Variants in AK9 observed in about 807,000 individuals in gnomAD.
AK9 encodes adenylate kinase domain containing 1.
Under a neutral mutation model 239.6 loss-of-function variants are expected in AK9, and 191 were observed. The observed-to-expected ratio is 0.80, with a 90% CI of 0.71 to 0.90. The LOEUF (loss-of-function observed/expected upper bound fraction) is 0.90, where lower values mean the gene tolerates loss of function less well. Among genes scored for constraint, AK9 ranks in the 40% least tolerant of loss-of-function variants. AK9 has a pLI of 0.00. For synonymous variants in AK9, 689 were observed against 721.0 expected, an observed-to-expected ratio of 0.96 and a Z score of 0.71; for missense variants, 1,995 against 2,214.7, an observed-to-expected ratio of 0.90 and a Z score of 1.99.
chr6:109,559,815 G>A (rs1202042730), intron 24 of AK9, among the ~76,000 whole-genome samples: 2 of 152,142 alleles, frequency 1.3e-5, no homozygotes, highest in Non-Finnish European at 2.9e-5. Flanking sequence ...CAACAAACAT[G>A]TATTTTCTTA....
intron 8 of AK9, among the ~76,000 whole-genome samples, chr6:109,652,729 A>C (rs1235041443): frequency 1.3e-5 from 2 of 152,222 alleles, no homozygotes; most frequent in African/African-American, 4.8e-5. Flanking sequence ...CCAGTGAAGG[A>C]ATGCAAAAAA....
chr6:109,689,223 G>A (rs1255778875), intron 1 of AK9, among the ~76,000 whole-genome samples: 17 of 152,062 alleles, frequency 1.1e-4, no homozygotes, highest in Admixed American at 1.1e-3. Flanking sequence ...TTTAAAAATT[G>A]AGACTAGCCA....
chr6:109,499,107 G>A lies in AK9; in HGVS notation c.4983C>T (p.Ser1661=). ...QELFDCSATD[S]LEFAAEFRGH... ...CCCTGAACTCTGCTGCAAATTCCAAGGAGTCAGTTGCAGAGCAATCAAATA... is the reference window on the plus strand; with the variant it reads ...CCCTGAACTCTGCTGCAAATTCCAAAGAGTCAGTTGCAGAGCAATCAAATA... The change falls in exon 36 of 41, where the codon TCC becomes TCT. Residue 1661 remains serine, a synonymous_variant. Transcript: ENST00000424296. 1 of 1,606,718 alleles carries A rather than the reference G, an allele frequency of 6.2e-7. No individual in the cohort carries two copies. The highest frequency in any genetic ancestry group is 1.1e-5 in the South Asian group (1 of 89,696).
intron 1 of AK9, among the ~76,000 whole-genome samples, chr6:109,687,806 T>C (rs1773732080): frequency 6.6e-6 from 1 of 152,224 alleles, no homozygotes; most frequent in Admixed American, 6.5e-5. Context: ...TGTGTTGTTT[T>C]AAGCTGCTAA....
At chr6:109,600,986 G>T (rs191229340) in intron 17 of AK9, among the ~76,000 whole-genome samples, 1 of 151,972 alleles carries the variant, frequency 6.6e-6, no homozygotes, top group African/African-American at 2.4e-5. Flanking sequence ...TATTAGTCTT[G>T]CTAGCAGTCT....
intron 32 of AK9, among the ~76,000 whole-genome samples, chr6:109,510,699 C>G (rs1660924280): frequency 6.6e-6 from 1 of 152,224 alleles, no homozygotes; most frequent in Admixed American, 6.5e-5. Flanking sequence ...GTCTTGTTCA[C>G]TCTTCACTTG....
At chr6:109,497,362 A>ACACTCTCTCT (rs1554230922) in intron 38 of AK9, 103 bp downstream of exon 38, 39 of 500,454 alleles carry the variant, frequency 7.8e-5, no homozygotes, top group African/African-American at 5.7e-4. Flanking sequence ...ACACACACAC[A>ACACTCTCTCT]CTCTCTCTCT....
Position 109,494,088 on chromosome 6 carries a change from G to GC in AK9, c.5425dup (p.Ala1809GlyfsTer6). 1 of 1,611,326 alleles carries GC rather than the reference G, an allele frequency of 6.2e-7. No homozygotes were observed. Among genetic ancestry groups the GC allele is most frequent in the African/African-American group, 1.3e-5 (1 of 74,994 alleles). ...ATTCATTGCTTTAATTAGAGAAGTT[G>GC]CAATACCCTGCAGGGAGGGAACAAT... On this transcript the variant is annotated frameshift_variant, in exon 40 of 41. Transcript: ENST00000424296. LOFTEE classifies it high-confidence loss of function.
At chr6:109,584,605 T>C (rs1222889367) in intron 19 of AK9, among the ~76,000 whole-genome samples, 1 of 152,150 alleles carries the variant, frequency 6.6e-6, no homozygotes, top group Non-Finnish European at 1.5e-5. Flanking sequence ...GATAACTGTG[T>C]GGTCACATTT....
At chr6:109,627,430 C>T (rs1293150914) in intron 12 of AK9, among the ~76,000 whole-genome samples, 1 of 152,078 alleles carries the variant, frequency 6.6e-6, no homozygotes, top group Non-Finnish European at 1.5e-5. Flanking sequence ...TTATTGTCAT[C>T]AAGTATGACA....
intron 27 of AK9, among the ~76,000 whole-genome samples, chr6:109,536,602 T>C (rs1273700539): frequency 1.3e-5 from 2 of 152,184 alleles, no homozygotes. Flanking sequence ...TATTTCTTTC[T>C]CCTGCCTGAT....
At chr6:109,508,974 T>C (rs1277937521) in intron 33 of AK9, among the ~76,000 whole-genome samples, 1 of 152,204 alleles carries the variant, frequency 6.6e-6, no homozygotes, top group African/African-American at 2.4e-5. Context: ...GCCTGCCTGC[T>C]AATCTGGCAT....
chr6:109,554,943 T>C lies in AK9; in HGVS notation c.2752-4641A>G, dbSNP rs1386169581. 2.0e-5 allele frequency among the ~76,000 whole-genome samples: 3 copies of C among 152,324 alleles called. No individual in the cohort carries two copies. In the East Asian group the frequency reaches 5.8e-4, roughly 29 times the overall value. On this transcript the variant is annotated intron_variant, in intron 24 of 40. Transcript: ENST00000424296. Reference sequence around the variant, plus strand: ...CTAGCTAATGGTCTATCTGTTTTGTTAATTTTTTAAAAAACTAACTCCTGG... The same window carrying C: ...CTAGCTAATGGTCTATCTGTTTTGTCAATTTTTTAAAAAACTAACTCCTGG...
chr6:109,567,755 G>A, intron 21 of AK9, among the ~76,000 whole-genome samples: 1 of 101,976 alleles, frequency 9.8e-6, no homozygotes, highest in African/African-American at 3.8e-5. Flanking sequence ...AGGGGGGAGG[G>A]ACAGCATTAG....
intron 17 of AK9, among the ~76,000 whole-genome samples, chr6:109,607,768 G>GGTGTGT (rs10648225): frequency 0.17 from 24,515 of 145,290 alleles, 2,089 homozygotes; most frequent in Admixed American, 0.22. Flanking sequence ...CCAGCAGAGG[G>GGTGTGT]GTGTGTGTGT....
At chr6:109,636,982 AT>A (rs1796796307) in intron 10 of AK9, among the ~76,000 whole-genome samples, 1 of 152,158 alleles carries the variant, frequency 6.6e-6, no homozygotes, top group African/African-American at 2.4e-5. Context: ...CCACCAAACT[AT>A]TTTAAACAGC....
chr6:109,539,770 G>T (rs1009027043), intron 27 of AK9, among the ~76,000 whole-genome samples: 2 of 152,196 alleles, frequency 1.3e-5, no homozygotes, highest in Non-Finnish European at 2.9e-5. Flanking sequence ...GTGACGTACA[G>T]ATGGGGTTTT....
chr6:109,659,480 T>C (rs1055071276), intron 6 of AK9, 67 bp from the exon 7 acceptor site: 77 of 1,535,132 alleles, frequency 5.0e-5, no homozygotes, highest in East Asian at 4.6e-5. Context: ...TGTGTATTTA[T>C]TGAATATATT....
chr6:109,540,338 A>C (rs1374499799), intron 27 of AK9, among the ~76,000 whole-genome samples: 1 of 152,158 alleles, frequency 6.6e-6, no homozygotes, highest in Non-Finnish European at 1.5e-5. Flanking sequence ...GCCATGTTGC[A>C]ATTTGATCTC....
Sources: allele counts gnomAD v4.1 joint callset (sites outside exome capture counted in the v4.1 genomes callset), GRCh38; gene constraint gnomAD v4.1.1; transcripts MANE v1.5; gene names NCBI Gene and HGNC (gene_info 2026-07-23, HGNC 2026-07-21).